Variants in PUM3 observed in about 807,000 individuals in gnomAD.
The protein encoded by PUM3 is pumilio RNA binding family member 3, also known as pumilio homolog 3.
A neutral mutation model predicts 84.0 loss-of-function variants in PUM3; 91 were observed. The ratio of observed to expected loss-of-function variants is 1.08; its 90% CI spans 0.91 to 1.29. The LOEUF (loss-of-function observed/expected upper bound fraction) is 1.29, where lower values mean the gene tolerates loss of function less well. Among genes scored for constraint, PUM3 ranks in the 50% most tolerant of loss-of-function variants. The probability of loss-of-function intolerance (pLI) is 0.00; values close to 1 mark genes in which losing one functional copy is unlikely to be tolerated. For missense variants in PUM3, 1,067 were observed against 767.5 expected, an observed-to-expected ratio of 1.39 and a Z score of -4.61; for synonymous variants, 321 against 266.7, an observed-to-expected ratio of 1.20 and a Z score of -1.98.
chr9:2,842,170 G>A (rs541235355), intron 1 of PUM3, among the ~76,000 whole-genome samples: 81 of 152,142 alleles, frequency 5.3e-4, no homozygotes, highest in Non-Finnish European at 7.9e-4. Context: ...CCTTCGTAAT[G>A]AATCATCACA....
In PUM3 at chr9:2,804,232, C is replaced by T. The variant is rs962004716; in HGVS notation, c.*99G>A. On this transcript the variant is annotated 3_prime_UTR_variant, in exon 18 of 18. Transcript: ENST00000397885. ...GAAGAAACACATATACAGAGTACCC[C>T]AATTACCAGTATGGTGGACCCTACC... 7 of 1,175,076 alleles carry T rather than the reference C, an allele frequency of 6.0e-6. No homozygotes were observed. In the Admixed American group the frequency reaches 1.6e-4, roughly 27 times the overall value. The allele number at this position is 1,175,076 out of a possible 1,614,324, so 72.8% of individuals were successfully genotyped here.
At chr9:2,821,183 G>A (rs1409847883) in intron 12 of PUM3, among the ~76,000 whole-genome samples, 2 of 152,086 alleles carry the variant, frequency 1.3e-5, no homozygotes, top group African/African-American at 4.8e-5. Flanking sequence ...GGTAGCTCAC[G>A]CCTGTAATCC....
At chr9:2,805,405 G>T (rs1347759204) in intron 17 of PUM3, among the ~76,000 whole-genome samples, 2 of 151,976 alleles carry the variant, frequency 1.3e-5, no homozygotes, top group Non-Finnish European at 2.9e-5. Flanking sequence ...TTCTTTTTCG[G>T]GACCCTTTGT....
At position 2,838,502 on chromosome 9, in the gene PUM3, T is replaced by G. The variant is rs1816188706; in HGVS notation, c.6A>C (p.Glu2Asp). 3 of 1,612,952 alleles carry G rather than the reference T, an allele frequency of 1.9e-6. No homozygotes were observed. Among genetic ancestry groups the G allele is most frequent in the Non-Finnish European group, 1.7e-6 (2 of 1,179,094 alleles). Residue 2 changes from glutamate to aspartate, a missense_variant, in exon 2 of 18, where the codon GAA becomes GAC. Physicochemically the swap from Glu to Asp is conservative, Grantham distance 45. Transcript: ENST00000397885. MEVKGKKQFTGK... is the reference protein window; with the variant it reads MDVKGKKQFTGK... ...CTGTGAATTGCTTTTTCCCTTTAAC[T>G]TCCATCGTAGCAACTCTGGAAAACC...
intron 1 of PUM3, 28 bp downstream of exon 1, chr9:2,844,017 G>T: frequency 6.5e-6 from 1 of 154,624 alleles, no homozygotes. Context: ...CCCCTCCCAA[G>T]AGCGACCGCT....
At chr9:2,840,868 T>C (rs1420661160) in intron 1 of PUM3, among the ~76,000 whole-genome samples, 2 of 152,258 alleles carry the variant, frequency 1.3e-5, no homozygotes, top group Non-Finnish European at 2.9e-5. Context: ...GAGAATGGTA[T>C]TTAAAAACCA....
chr9:2,828,523 G>C (rs1414802482), intron 9 of PUM3, 152 bp downstream of exon 9: 4 of 573,742 alleles, frequency 7.0e-6, no homozygotes, highest in Non-Finnish European at 1.2e-5. Context: ...TTTGCACCAA[G>C]AATGGTTTCA....
intron 17 of PUM3, among the ~76,000 whole-genome samples, chr9:2,807,113 C>A (rs1360086978): frequency 6.6e-6 from 1 of 151,708 alleles, no homozygotes; most frequent in East Asian, 1.9e-4. Context: ...GAGGCTGAGG[C>A]AGGAGAATGG....
intron 8 of PUM3, among the ~76,000 whole-genome samples, chr9:2,829,470 T>A (rs958890390): frequency 1.3e-5 from 2 of 152,196 alleles, no homozygotes; most frequent in Non-Finnish European, 2.9e-5. Context: ...TTGCTAACTA[T>A]TGGGAGTCTT....
chr9:2,843,280 A>C (rs1586731343), intron 1 of PUM3, among the ~76,000 whole-genome samples: 1 of 152,206 alleles, frequency 6.6e-6, no homozygotes, highest in South Asian at 2.1e-4. Flanking sequence ...CATCTCAGGA[A>C]CTTAGCCCAT....
At position 2,824,775 on chromosome 9, in the gene PUM3, G is replaced by GC. The variant is rs1176213574; in HGVS notation, c.1075dup (p.Ala359GlyfsTer34). The GC allele has an allele frequency of 6.3e-7, 1 of 1,586,242 alleles. No individual in the cohort carries two copies. The highest frequency in any genetic ancestry group is 8.6e-7 in the Non-Finnish European group (1 of 1,162,142). The stretch of plus-strand genomic sequence containing the variant: ...CACTCTGGCGCCATCGTGTGTGTGT[G>GC]CCAGGTAGACCACCGCTTCGCGGAT... On this transcript the variant is annotated frameshift_variant, in exon 11 of 18. Transcript: ENST00000397885. LOFTEE classifies it high-confidence loss of function.
At chr9:2,814,026 A>G (rs908941056) in intron 13 of PUM3, among the ~76,000 whole-genome samples, 11 of 42,952 alleles carry the variant, frequency 2.6e-4, no homozygotes, top group African/African-American at 1.6e-3. Context: ...GTAACACATA[A>G]AAGTTTTCAG....
At chr9:2,836,253 G>C (rs1291182056) in intron 3 of PUM3, among the ~76,000 whole-genome samples, 1 of 152,186 alleles carries the variant, frequency 6.6e-6, no homozygotes, top group Admixed American at 6.5e-5. Context: ...ACCATCCCCA[G>C]TGGTCTCAGC....
At chr9:2,840,416 T>C (rs534037254) in intron 1 of PUM3, among the ~76,000 whole-genome samples, 8 of 152,324 alleles carry the variant, frequency 5.3e-5, no homozygotes, top group Non-Finnish European at 1.2e-4. Context: ...TTGGAGAATA[T>C]GTAGACATCC....
chr9:2,829,811 G>A lies in PUM3; in HGVS notation c.815C>T (p.Thr272Met), dbSNP rs149724707. ...AAATGTGTTCCCATAGAGCTCTTCC[G>A]TCAGCATGTTCCTCTGCTCCAAAAT... ...KAILEQRNML[T>M]EELYGNTFQL... The change falls in exon 8 of 18, where the codon ACG becomes ATG. Residue 272 changes from threonine to methionine, a missense_variant. Coordinates refer to ENST00000397885, the MANE Select transcript of PUM3 (RefSeq NM_014878.5). The A allele has an allele frequency of 5.6e-5, 91 of 1,613,828 alleles. No homozygotes were observed. Among genetic ancestry groups the A allele is most frequent in the African/African-American group, 1.2e-4 (9 of 74,922 alleles).
rs781581655 is a variant in PUM3, at chr9:2,811,441, T to C, written c.1555A>G (p.Thr519Ala). The C allele has an allele frequency of 3.1e-6, 5 of 1,614,174 alleles. No homozygotes were observed. Among genetic ancestry groups the C allele is most frequent in the Non-Finnish European group, 4.2e-6 (5 of 1,180,026 alleles). Reference sequence around the variant, plus strand: ...TTCATGGTAGGCTGAACGTCTCCAGTGGCAGATCCCAGAATGTCAGACACC... The same window carrying C: ...TTCATGGTAGGCTGAACGTCTCCAGCGGCAGATCCCAGAATGTCAGACACC... ...VLVSDILGSA[T>A]GDVQPTMNAI... Residue 519 changes from threonine to alanine, a missense_variant, in exon 15 of 18, where the codon ACT becomes GCT. Physicochemically the swap from Thr to Ala is moderately conservative, Grantham distance 58 (BLOSUM62 0). Coordinates refer to ENST00000397885, the MANE Select transcript of PUM3 (RefSeq NM_014878.5).
At position 2,843,311 on chromosome 9, in the gene PUM3, C is replaced by T. The variant is rs575567400; in HGVS notation, c.-11+734G>A. Among the ~76,000 whole-genome samples the T allele has an allele frequency of 1.3e-3, 193 of 152,224 alleles. 5 individuals are homozygous for T. The South Asian group carries it at 0.021, about 16-fold the overall frequency. ...CCCATTATCGCCTCTGCTTGAAGTA[C>T]TCCCTGAGCTTCCAAATCTCCGTTT... On this transcript the variant is annotated intron_variant, in intron 1 of 17. Coordinates refer to ENST00000397885, the MANE Select transcript of PUM3 (RefSeq NM_014878.5).
intron 14 of PUM3, among the ~76,000 whole-genome samples, chr9:2,812,001 A>C (rs1310760806): frequency 1.3e-5 from 2 of 152,206 alleles, no homozygotes; most frequent in African/African-American, 4.8e-5. Flanking sequence ...TTGAATGCCT[A>C]CTATGTGCCA....
intron 13 of PUM3, among the ~76,000 whole-genome samples, chr9:2,817,695 C>T (rs1052402197): frequency 6.6e-6 from 1 of 151,984 alleles, no homozygotes; most frequent in Non-Finnish European, 1.5e-5. Context: ...AGATATGGGG[C>T]GATGATAGGA....
Sources: allele counts gnomAD v4.1 joint callset (sites outside exome capture counted in the v4.1 genomes callset), GRCh38; gene constraint gnomAD v4.1.1; transcripts MANE v1.5; gene names NCBI Gene and HGNC (gene_info 2026-07-23, HGNC 2026-07-21).